FGD5: variants seen among roughly 807,000 people sequenced by gnomAD.
The protein encoded by FGD5 is FYVE, RhoGEF and PH domain-containing protein 5.
Under a neutral mutation model 133.4 loss-of-function variants are expected in FGD5, and 28 were observed. The ratio of observed to expected loss-of-function variants is 0.21; its 90% CI spans 0.16 to 0.29. FGD5 has a LOEUF of 0.29. FGD5 is among the 10% of genes least tolerant of loss of function. The pLI, the probability that FGD5 is intolerant of heterozygous loss-of-function variation, is 1.00. For synonymous variants in FGD5, 810 were observed against 776.5 expected (o/e 1.04, Z -0.72); for missense variants, 1,858 against 1,895.2 (o/e 0.98, Z 0.36).
At chr3:14,828,376 A>G (rs1176617230) in intron 1 of FGD5, among the ~76,000 whole-genome samples, 1 of 152,220 alleles carries the variant, frequency 6.6e-6, no homozygotes, top group African/African-American at 2.4e-5. Flanking sequence ...ACAAGAAATA[A>G]GACTCCAATG....
intron 1 of FGD5, among the ~76,000 whole-genome samples, chr3:14,836,054 G>T (rs1448936357): frequency 6.6e-6 from 1 of 152,210 alleles, no homozygotes. Context: ...TAGCTGGCAG[G>T]TGGCAGAGTC....
chr3:14,918,536 G>A lies in FGD5; in HGVS notation c.3490-218G>A, dbSNP rs189467090. On this transcript the variant is annotated intron_variant, in intron 12 of 19. Coordinates refer to ENST00000285046, the MANE Select transcript of FGD5 (RefSeq NM_152536.4). Reference sequence around the variant, plus strand: ...GCCCGGGCTGGGCCCTGAGCATGACGCTCTGCAGCCTTCCCAGCGGTGGGT... The same window carrying A: ...GCCCGGGCTGGGCCCTGAGCATGACACTCTGCAGCCTTCCCAGCGGTGGGT... Among the ~76,000 whole-genome samples the A allele has an allele frequency of 7.4e-3, 1,133 of 152,336 alleles. 9 individuals carry two copies. Among genetic ancestry groups the A allele is most frequent in the Middle Eastern group, 0.044 (13 of 294 alleles).
Position 14,897,675 on chromosome 3 carries a change from C to G in FGD5, c.2909+6C>G. 6.3e-7 allele frequency: 1 copy of G among 1,599,624 alleles called. No individual in the cohort carries two copies. The highest frequency in any genetic ancestry group is 1.1e-5 in the South Asian group (1 of 88,312). On this transcript the variant is annotated splice_donor_region_variant and intron_variant, in intron 5 of 19. Transcript: ENST00000285046. ...GAGGAAAGGCTGTCAAATTGGTGAGCAGTCCCTGGACCCCCGGGTTCCACT... is the reference window on the plus strand; with the variant it reads ...GAGGAAAGGCTGTCAAATTGGTGAGGAGTCCCTGGACCCCCGGGTTCCACT...
At chr3:14,849,793 A>T (rs1269781383) in intron 1 of FGD5, among the ~76,000 whole-genome samples, 1 of 152,098 alleles carries the variant, frequency 6.6e-6, no homozygotes, top group Non-Finnish European at 1.5e-5. Flanking sequence ...GGGAGTGTTA[A>T]TGTCTACAGG....
At position 14,864,474 on chromosome 3, in the gene FGD5, G is replaced by A. The variant is rs956259310; in HGVS notation, c.2658+214G>A. ...TGATGCAAGGGCAACTGCTCATGCC[G>A]GTATTCTCTGGAGTCTGATGAAGTT... On this transcript the variant is annotated intron_variant, in intron 2 of 19. Transcript: ENST00000285046. 3.9e-5 allele frequency among the ~76,000 whole-genome samples: 6 copies of A among 152,308 alleles called. No homozygotes were observed. In the South Asian group the frequency reaches 6.2e-4, roughly 16 times the overall value.
At chr3:14,853,096 C>T (rs779734080) in intron 1 of FGD5, among the ~76,000 whole-genome samples, 7 of 152,302 alleles carry the variant, frequency 4.6e-5, no homozygotes, top group Non-Finnish European at 7.3e-5. Flanking sequence ...GCTGTTTCCA[C>T]AGTATCACAT....
chr3:14,884,997 C>T (rs74216031), intron 4 of FGD5, among the ~76,000 whole-genome samples: 6,375 of 151,730 alleles, frequency 0.042, 261 homozygotes, highest in East Asian at 0.2. Flanking sequence ...ACAGCTGACC[C>T]CTTCTTCCAC....
At chr3:14,862,403 C>T (rs1042473547) in intron 1 of FGD5, among the ~76,000 whole-genome samples, 2 of 152,166 alleles carry the variant, frequency 1.3e-5, no homozygotes, top group African/African-American at 4.8e-5. Context: ...TGAGCCTGAT[C>T]TGAGCTCTGC....
chr3:14,873,000 C>A (rs2037641942), intron 2 of FGD5, among the ~76,000 whole-genome samples: 1 of 152,320 alleles, frequency 6.6e-6, no homozygotes, highest in African/African-American at 2.4e-5. Flanking sequence ...GTGTGGGGTG[C>A]ATGGCTTAAC....
chr3:14,928,268 C>T (rs2038847371), intron 18 of FGD5, among the ~76,000 whole-genome samples: 2 of 151,906 alleles, frequency 1.3e-5, no homozygotes, highest in African/African-American at 2.4e-5. Context: ...GGGGCAGTCT[C>T]ACTATATTGC....
At chr3:14,893,755 T>TC (rs1553629219) in intron 4 of FGD5, among the ~76,000 whole-genome samples, 3 of 134,906 alleles carry the variant, frequency 2.2e-5, no homozygotes, top group African/African-American at 5.5e-5. Context: ...CTTTTTTCTT[T>TC]TTTTTTTTTT....
intron 2 of FGD5, among the ~76,000 whole-genome samples, chr3:14,878,339 C>T (rs2037758181): frequency 6.6e-6 from 1 of 152,204 alleles, no homozygotes; most frequent in African/African-American, 2.4e-5. Context: ...ATTTGCTTTC[C>T]ACTGTCTCTG....
At chr3:14,895,651 G>A (rs565029298) in intron 4 of FGD5, among the ~76,000 whole-genome samples, 126 of 152,140 alleles carry the variant, frequency 8.3e-4, no homozygotes, top group African/African-American at 3.0e-3. Context: ...AGAGTTTACT[G>A]CAGGCTTGAC....
Position 14,875,035 on chromosome 3 carries a change from T to C in FGD5, c.2659-5537T>C, listed in dbSNP as rs11708701. Among the ~76,000 whole-genome samples, 468 of 152,320 alleles carry C rather than the reference T, an allele frequency of 3.1e-3. 1 individual carries two copies. Among genetic ancestry groups the C allele is most frequent in the Non-Finnish European group, 5.5e-3 (376 of 68,022 alleles). ...CCACCTCTCCCTGAGTACCTGTCTCTGAGTTTTCCAGCAGCTGTTGAAGGC... is the reference window on the plus strand; with the variant it reads ...CCACCTCTCCCTGAGTACCTGTCTCCGAGTTTTCCAGCAGCTGTTGAAGGC... On this transcript the variant is annotated intron_variant, in intron 2 of 19. Coordinates refer to ENST00000285046, the MANE Select transcript of FGD5 (RefSeq NM_152536.4).
At chr3:14,831,923 C>T (rs1302978516) in intron 1 of FGD5, among the ~76,000 whole-genome samples, 1 of 152,166 alleles carries the variant, frequency 6.6e-6, no homozygotes, top group Non-Finnish European at 1.5e-5. Context: ...CACAGTGGCT[C>T]AGTGCAGAAT....
chr3:14,824,567 A>G (rs2036568012), intron 1 of FGD5, among the ~76,000 whole-genome samples: 1 of 152,228 alleles, frequency 6.6e-6, no homozygotes, highest in Non-Finnish European at 1.5e-5. Flanking sequence ...AGGTCCCAAC[A>G]CTTGTTATGG....
exon 1 of FGD5, chr3:14,810,860 G>C: frequency 1.0e-6 from 1 of 985,134 alleles, no homozygotes; most frequent in Non-Finnish European, 1.2e-6. Flanking sequence ...AAGATGAACA[G>C]AGCAGGTAGG....
chr3:14,848,716 C>G (rs1311459410), intron 1 of FGD5, among the ~76,000 whole-genome samples: 1 of 152,112 alleles, frequency 6.6e-6, no homozygotes, highest in Non-Finnish European at 1.5e-5. Context: ...GAAAGGTACC[C>G]ACCCATGCAA....
intron 18 of FGD5, 76 bp downstream of exon 18, chr3:14,926,274 AC>A (rs1315238982): frequency 6.3e-7 from 1 of 1,577,408 alleles, no homozygotes; most frequent in Admixed American, 1.7e-5. Context: ...ACATCCTGTC[AC>A]TTGCAAAGCT....
Sources: allele counts gnomAD v4.1 joint callset (sites outside exome capture counted in the v4.1 genomes callset), GRCh38; gene constraint gnomAD v4.1.1; transcripts MANE v1.5; gene names NCBI Gene and HGNC (gene_info 2026-07-23, HGNC 2026-07-21).